SLC9A9: variants seen among roughly 807,000 people sequenced by gnomAD.
The protein encoded by SLC9A9 is sodium/hydrogen exchanger 9.
A neutral mutation model predicts 77.8 loss-of-function variants in SLC9A9; 62 were observed. The observed-to-expected ratio is 0.80, with a 90% CI of 0.65 to 0.98. SLC9A9 has a LOEUF of 0.98. Among genes scored for constraint, SLC9A9 ranks in the 50% least tolerant of loss-of-function variants. The probability of loss-of-function intolerance (pLI) is 0.00; values close to 1 mark genes in which losing one functional copy is unlikely to be tolerated. For synonymous variants in SLC9A9, 320 were observed against 283.5 expected (o/e 1.13, Z -1.29); for missense variants, 775 against 774.9 (o/e 1.00, Z 0.00).
chr3:143,793,923 A>G (rs754862756), intron 4 of SLC9A9, among the ~76,000 whole-genome samples: 1 of 152,212 alleles, frequency 6.6e-6, no homozygotes, highest in South Asian at 2.1e-4. Flanking sequence ...TTAAGTGTCC[A>G]AACTTAATGG....
intron 13 of SLC9A9, among the ~76,000 whole-genome samples, chr3:143,381,182 G>A (rs986568482): frequency 3.3e-5 from 5 of 152,170 alleles, no homozygotes; most frequent in Middle Eastern, 6.3e-3. Context: ...GTTTGGCTGT[G>A]TTCCACTCAA....
At chr3:143,610,546 A>G (rs1160925940) in intron 6 of SLC9A9, among the ~76,000 whole-genome samples, 1 of 152,246 alleles carries the variant, frequency 6.6e-6, no homozygotes, top group Non-Finnish European at 1.5e-5. Context: ...GCCAGCCATT[A>G]TCGCAAACCC....
chr3:143,442,343 C>T (rs985384923), intron 12 of SLC9A9, among the ~76,000 whole-genome samples: 2 of 152,212 alleles, frequency 1.3e-5, no homozygotes, highest in African/African-American at 2.4e-5. Context: ...AGAATGCTCA[C>T]CAAGCTCTCA....
chr3:143,787,739 A>G (rs1399139027), intron 4 of SLC9A9, among the ~76,000 whole-genome samples: 1 of 152,134 alleles, frequency 6.6e-6, no homozygotes, highest in African/African-American at 2.4e-5. Context: ...GTGTTGCTAC[A>G]AATATCCTTA....
chr3:143,709,083 A>G (rs990122546), intron 4 of SLC9A9, among the ~76,000 whole-genome samples: 4 of 152,190 alleles, frequency 2.6e-5, no homozygotes, highest in Non-Finnish European at 2.9e-5. Context: ...TGGACCACCA[A>G]ACATAAATGA....
At chr3:143,402,447 GTTTTTT>G (rs11292780) in intron 12 of SLC9A9, among the ~76,000 whole-genome samples, 2 of 110,396 alleles carry the variant, frequency 1.8e-5, no homozygotes, top group African/African-American at 3.3e-5. Context: ...GCACCTTTGT[GTTTTTT>G]TTTTTTTTTT....
intron 6 of SLC9A9, among the ~76,000 whole-genome samples, chr3:143,610,768 C>T (rs904839856): frequency 6.6e-6 from 1 of 152,176 alleles, no homozygotes; most frequent in African/African-American, 2.4e-5. Flanking sequence ...GAGAAATTAT[C>T]TGGAGAAATA....
chr3:143,447,346 C>G (rs1423932554), intron 12 of SLC9A9, among the ~76,000 whole-genome samples: 1 of 152,106 alleles, frequency 6.6e-6, no homozygotes, highest in Non-Finnish European at 1.5e-5. Context: ...AAGTAAAACA[C>G]ACAACATCAA....
At chr3:143,607,612 T>A (rs374778961) in intron 6 of SLC9A9, among the ~76,000 whole-genome samples, 2 of 151,936 alleles carry the variant, frequency 1.3e-5, no homozygotes, top group East Asian at 3.8e-4. Context: ...AGGCTAAAAT[T>A]TAAGGATAAT....
chr3:143,436,831 T>C (rs148768180), intron 12 of SLC9A9, among the ~76,000 whole-genome samples: 2 of 152,202 alleles, frequency 1.3e-5, no homozygotes, highest in Non-Finnish European at 2.9e-5. Context: ...TTGTCAGCAC[T>C]GCCACTCTGC....
At chr3:143,767,374 GTA>G (rs1553790516) in intron 4 of SLC9A9, among the ~76,000 whole-genome samples, 123 of 132,264 alleles carry the variant, frequency 9.3e-4, no homozygotes, top group South Asian at 1.8e-3. Context: ...AAGTGTCTGT[GTA>G]TGTGTGTGTG....
At chr3:143,845,767 A>G (rs949557297) in intron 1 of SLC9A9, among the ~76,000 whole-genome samples, 2 of 152,250 alleles carry the variant, frequency 1.3e-5, no homozygotes, top group Non-Finnish European at 2.9e-5. Flanking sequence ...ATTGATCTAT[A>G]TAGTTCAAGA....
At chr3:143,491,381 T>A (rs908243207) in intron 11 of SLC9A9, among the ~76,000 whole-genome samples, 1 of 152,178 alleles carries the variant, frequency 6.6e-6, no homozygotes, top group Non-Finnish European at 1.5e-5. Flanking sequence ...TATGATTATA[T>A]ATAGTTCACA....
At chr3:143,815,549 A>ATTTT (rs758883023) in intron 2 of SLC9A9, among the ~76,000 whole-genome samples, 5,245 of 39,224 alleles carry the variant, frequency 0.13, 216 homozygotes, top group African/African-American at 0.16. Flanking sequence ...GCTATTTTAA[A>ATTTT]AAAAAAAAAA....
At chr3:143,384,327 C>T (rs1244304847) in intron 12 of SLC9A9, among the ~76,000 whole-genome samples, 3 of 152,096 alleles carry the variant, frequency 2.0e-5, no homozygotes, top group Non-Finnish European at 2.9e-5. Flanking sequence ...TCAGAGCCCT[C>T]CAGCAGGTGC....
chr3:143,544,304 GCAAGCT>G (rs1296297662), intron 9 of SLC9A9, among the ~76,000 whole-genome samples: 1 of 152,058 alleles, frequency 6.6e-6, no homozygotes, highest in East Asian at 1.9e-4. Context: ...TCGGTTCACT[GCAAGCT>G]CCGCCTCCTG....
At chr3:143,382,033 T>C in intron 13 of SLC9A9, 27 bp downstream of exon 13, 2 of 1,613,410 alleles carry the variant, frequency 1.2e-6, no homozygotes, top group Non-Finnish European at 1.7e-6. Context: ...TATCTCTATA[T>C]AATGTGCATT....
chr3:143,626,876 CTTTT>C (rs61283423), intron 6 of SLC9A9: 20 of 145,008 alleles, frequency 1.4e-4, no homozygotes, highest in East Asian at 4.0e-4. Flanking sequence ...GCACTAGCTC[CTTTT>C]TTTTTTTTTT....
intron 14 of SLC9A9, among the ~76,000 whole-genome samples, chr3:143,292,523 T>C (rs1483979206): frequency 1.3e-5 from 2 of 152,098 alleles, no homozygotes; most frequent in African/African-American, 4.8e-5. Flanking sequence ...TGTTACCTCT[T>C]GACCACACTG....
Sources: allele counts gnomAD v4.1 joint callset (sites outside exome capture counted in the v4.1 genomes callset), GRCh38; gene constraint gnomAD v4.1.1; transcripts MANE v1.5; gene names NCBI Gene and HGNC (gene_info 2026-07-23, HGNC 2026-07-21).